Variants in PCNX1 observed in about 807,000 individuals in gnomAD.
PCNX1 encodes the protein pecanex-like protein 1.
PCNX1 carries 78 observed loss-of-function variants against 242.2 expected under a neutral mutation model. The ratio of observed to expected loss-of-function variants is 0.32; its 90% CI spans 0.27 to 0.39. The LOEUF (loss-of-function observed/expected upper bound fraction) is 0.39, where lower values mean the gene tolerates loss of function less well. Ranked by LOEUF, PCNX1 falls within the 10% of genes least tolerant of loss-of-function variation. PCNX1 has a pLI of 1.00. For missense variants in PCNX1, 2,581 were observed against 2,856.5 expected (o/e 0.90, Z 2.20); for synonymous variants, 1,024 against 1,032.9 (o/e 0.99, Z 0.17).
At chr14:70,957,921 T>C (rs2140433235) in intron 2 of PCNX1, among the ~76,000 whole-genome samples, 1 of 152,272 alleles carries the variant, frequency 6.6e-6, no homozygotes. Flanking sequence ...TGTACTTTGC[T>C]CTCCATCTTC....
intron 28 of PCNX1, among the ~76,000 whole-genome samples, chr14:71,080,112 C>T (rs1444587817): frequency 6.6e-6 from 1 of 152,110 alleles, no homozygotes; most frequent in Non-Finnish European, 1.5e-5. Flanking sequence ...TTCCCAGCAC[C>T]ATTTATTAAA....
chr14:70,980,345 GTTTTC>G (rs1446289516), intron 6 of PCNX1, among the ~76,000 whole-genome samples: 4 of 151,196 alleles, frequency 2.6e-5, no homozygotes, highest in Non-Finnish European at 4.4e-5. Context: ...TCTAGCTTTT[GTTTTC>G]TTTTGTTTGT....
chr14:71,038,940 G>A (rs1412844283), intron 19 of PCNX1, among the ~76,000 whole-genome samples: 12 of 151,204 alleles, frequency 7.9e-5, no homozygotes, highest in Non-Finnish European at 1.0e-4. Flanking sequence ...GATGAAACTG[G>A]AAATCATCAT....
intron 19 of PCNX1, 105 bp from the exon 20 acceptor site, chr14:71,045,028 T>C: frequency 2.7e-6 from 2 of 733,814 alleles, no homozygotes; most frequent in South Asian, 3.9e-5. Context: ...TATTCTAAAA[T>C]GGACGTTGTC....
At chr14:71,066,109 T>A (rs1428530789) in intron 26 of PCNX1, among the ~76,000 whole-genome samples, 1 of 152,206 alleles carries the variant, frequency 6.6e-6, no homozygotes, top group African/African-American at 2.4e-5. Flanking sequence ...CTTTTTTGGT[T>A]CCATATGAAA....
intron 2 of PCNX1, among the ~76,000 whole-genome samples, chr14:70,948,780 GTA>G (rs766901435): frequency 6.9e-6 from 1 of 144,618 alleles, no homozygotes; most frequent in Admixed American, 7.0e-5. Context: ...TATGTATAGT[GTA>G]TATATACTTA....
chr14:70,982,787 C>G (rs1432074401), intron 6 of PCNX1, among the ~76,000 whole-genome samples: 1 of 152,158 alleles, frequency 6.6e-6, no homozygotes, highest in African/African-American at 2.4e-5. Context: ...TTCTTTCTCT[C>G]AGCAGTGAAG....
At chr14:71,079,280 A>G (rs991862769) in intron 28 of PCNX1, among the ~76,000 whole-genome samples, 22 of 152,282 alleles carry the variant, frequency 1.4e-4, no homozygotes, top group African/African-American at 3.9e-4. Flanking sequence ...AGTCTTTGCT[A>G]TTGTGAACAG....
At chr14:70,929,404 G>A (rs979407173) in intron 1 of PCNX1, among the ~76,000 whole-genome samples, 15 of 152,070 alleles carry the variant, frequency 9.9e-5, no homozygotes, top group Non-Finnish European at 1.8e-4. Context: ...AAAGTCTTTT[G>A]TATTACTTTC....
intron 12 of PCNX1, among the ~76,000 whole-genome samples, chr14:71,021,638 T>C (rs145637260): frequency 1.3e-5 from 2 of 152,328 alleles, no homozygotes; most frequent in Admixed American, 6.5e-5. Context: ...ACTGAAATTA[T>C]AGTCTTTGTG....
intron 7 of PCNX1, among the ~76,000 whole-genome samples, chr14:70,991,728 G>T (rs537171116): frequency 1.3e-5 from 2 of 152,230 alleles, no homozygotes; most frequent in South Asian, 4.1e-4. Flanking sequence ...AAAAATTCAG[G>T]TAAAGTATAT....
At chr14:70,941,375 T>C (rs1251841799) in intron 1 of PCNX1, among the ~76,000 whole-genome samples, 2 of 152,210 alleles carry the variant, frequency 1.3e-5, no homozygotes, top group Admixed American at 1.3e-4. Context: ...TGCAGGTCTA[T>C]TGGAGTTTGC....
intron 1 of PCNX1, among the ~76,000 whole-genome samples, chr14:70,923,244 A>G (rs1277494881): frequency 6.6e-6 from 1 of 152,088 alleles, no homozygotes; most frequent in Non-Finnish European, 1.5e-5. Flanking sequence ...TTTTTATTAT[A>G]TAACCTTAAA....
intron 23 of PCNX1, among the ~76,000 whole-genome samples, chr14:71,051,534 T>G (rs537425487): frequency 6.6e-6 from 1 of 152,172 alleles, no homozygotes; most frequent in South Asian, 2.1e-4. Context: ...AGTAACCACA[T>G]TGATATGGAA....
chr14:71,046,807 G>C (rs140105849), intron 20 of PCNX1, 157 bp from the exon 21 acceptor site: 1 of 172,120 alleles, frequency 5.8e-6, no homozygotes, highest in African/African-American at 2.4e-5. Context: ...AAGTATCTCA[G>C]AGCTCATAGA....
intron 32 of PCNX1, among the ~76,000 whole-genome samples, chr14:71,104,884 C>T (rs965902973): frequency 7.2e-5 from 11 of 152,078 alleles, no homozygotes; most frequent in Non-Finnish European, 1.6e-4. Context: ...CGAGATTGTG[C>T]CACTGCACTC....
intron 1 of PCNX1, among the ~76,000 whole-genome samples, chr14:70,941,900 G>A (rs937466650): frequency 2.0e-5 from 3 of 152,208 alleles, no homozygotes; most frequent in South Asian, 4.1e-4. Context: ...AGGAGTGAGC[G>A]AGGCTCTGTG....
chr14:71,051,573 A>G (rs1262153518), intron 23 of PCNX1, among the ~76,000 whole-genome samples: 6 of 152,156 alleles, frequency 3.9e-5, no homozygotes, highest in Non-Finnish European at 7.4e-5. Context: ...TGCAAGTTTT[A>G]GTTTTACCCT....
intron 1 of PCNX1, among the ~76,000 whole-genome samples, chr14:70,931,791 T>A (rs1297181666): frequency 6.6e-6 from 1 of 152,190 alleles, no homozygotes; most frequent in Admixed American, 6.5e-5. Flanking sequence ...TTGGGAACAT[T>A]CAGAGATCTC....
Sources: allele counts gnomAD v4.1 joint callset (sites outside exome capture counted in the v4.1 genomes callset), GRCh38; gene constraint gnomAD v4.1.1; transcripts MANE v1.5; gene names NCBI Gene and HGNC (gene_info 2026-07-23, HGNC 2026-07-21).